The following BET1L variants were observed in gnomAD, a reference collection of about 807,000 sequenced individuals.
BET1L encodes the protein BET1-like protein.
Under a neutral mutation model 12.6 loss-of-function variants are expected in BET1L, and 13 were observed. That is an observed-to-expected ratio of 1.03 (90% CI 0.67 to 1.64). The LOEUF (loss-of-function observed/expected upper bound fraction) is 1.64, where lower values mean the gene tolerates loss of function less well. Among genes scored for constraint, BET1L ranks in the 40% most tolerant of loss-of-function variants. The probability of loss-of-function intolerance (pLI) is 0.00; values close to 1 mark genes in which losing one functional copy is unlikely to be tolerated. For synonymous variants in BET1L, 60 were observed against 56.9 expected, an observed-to-expected ratio of 1.05 and a Z score of -0.25; for missense variants, 154 against 150.7, an observed-to-expected ratio of 1.02 and a Z score of -0.11.
rs1855099460 is a variant in BET1L, at chr11:204,151, G to C, written c.*1151C>G. On this transcript the variant is annotated 3_prime_UTR_variant, in exon 4 of 4. Transcript: ENST00000382762. ...AGAAGATTGGAACAGGACAGAGAAG[G>C]GCAAAGAAGCACATGGCTCATGCTT... The C allele has an allele frequency of 6.6e-6, 1 of 152,354 alleles. No individual in the cohort carries two copies. The highest frequency in any genetic ancestry group is 1.5e-5 in the Non-Finnish European group (1 of 68,116). 9.4% of individuals were successfully genotyped at this position (152,354 alleles called of 1,614,324 possible). A position where few individuals can be genotyped will look rare whatever the true frequency, so the allele number is the denominator to read the frequency against.
Position 203,401 on chromosome 11 carries a change from C to A in BET1L, c.*1901G>T, listed in dbSNP as rs1451949733. On this transcript the variant is annotated 3_prime_UTR_variant, in exon 4 of 4. Coordinates refer to ENST00000382762, the MANE Select transcript of BET1L (RefSeq NM_001098787.2). ...CTCCAGCGAAAGCCACTCCGAGATGCAGCCTAACTTCCTAGTTTGCATCAG... is the reference window on the plus strand; with the variant it reads ...CTCCAGCGAAAGCCACTCCGAGATGAAGCCTAACTTCCTAGTTTGCATCAG... 6.6e-6 allele frequency: 1 copy of A among 152,384 alleles called. No individual in the cohort carries two copies. Among genetic ancestry groups the A allele is most frequent in the Non-Finnish European group, 1.5e-5 (1 of 68,056 alleles). 9.4% of individuals were successfully genotyped at this position (152,384 alleles called of 1,614,324 possible). A position where few individuals can be genotyped will look rare whatever the true frequency, so the allele number is the denominator to read the frequency against.
chr11:206,612 C>A (rs1407781520), intron 1 of BET1L, among the ~76,000 whole-genome samples: 1 of 152,140 alleles, frequency 6.6e-6, no homozygotes, highest in Non-Finnish European at 1.5e-5. Context: ...CTGAGGTCGA[C>A]CAGGAGCGGG....
At position 205,392 on chromosome 11, in the gene BET1L, T is replaced by C. The variant is rs1279072169; in HGVS notation, c.246A>G (p.Gln82=). 1 of 1,614,230 alleles carries C rather than the reference T, an allele frequency of 6.2e-7. No individual in the cohort carries two copies. The highest frequency in any genetic ancestry group is 1.7e-5 in the Admixed American group (1 of 60,024). Reference sequence around the variant, plus strand: ...TGCCACATAGAAGCTTCCGGTTGTCTTGTCCGGACCTTGCCATTGTGGAAA... The same window carrying C: ...TGCCACATAGAAGCTTCCGGTTGTCCTGTCCGGACCTTGCCATTGTGGAAA... ...KRFSTMARSG[Q]DNRKLLCGMA... is the part of the protein sequence containing the mutation. The change falls in exon 4 of 4, where the codon CAA becomes CAG. Residue 82 remains glutamine (Q), a synonymous_variant. Coordinates refer to ENST00000382762, the MANE Select transcript of BET1L (RefSeq NM_001098787.2).
At chr11:206,200 CGAT>C (rs1457227062) in intron 1 of BET1L, among the ~76,000 whole-genome samples, 157 bp from the exon 2 acceptor site, 1 of 152,130 alleles carries the variant, frequency 6.6e-6, no homozygotes, top group African/African-American at 2.4e-5. Context: ...GCATAAAGGA[CGAT>C]GTGTGTAAGG....
intron 2 of BET1L, 80 bp downstream of exon 2, chr11:205,872 C>A: frequency 6.5e-7 from 1 of 1,531,784 alleles, no homozygotes; most frequent in South Asian, 1.1e-5. Context: ...GCCTGAAACT[C>A]CTCTGGGCCC....
chr11:205,705 C>A, intron 2 of BET1L, 38 bp from the exon 3 acceptor site: 3 of 1,591,610 alleles, frequency 1.9e-6, no homozygotes, highest in Non-Finnish European at 2.6e-6. Flanking sequence ...TGGGCCAGAG[C>A]AGACACATAA....
At chr11:206,823 AATC>A (rs1855174025) in intron 1 of BET1L, among the ~76,000 whole-genome samples, 1 of 152,216 alleles carries the variant, frequency 6.6e-6, no homozygotes, top group Admixed American at 6.5e-5. Context: ...AAATTCCTTT[AATC>A]ATCATAACAC....
rs1270909128 is a variant in BET1L, at chr11:205,452, G to A, written c.186C>T (p.Ser62=). 6.2e-7 allele frequency: 1 copy of A among 1,614,102 alleles called. No individual in the cohort carries two copies. Among genetic ancestry groups the A allele is most frequent in the Non-Finnish European group, 8.5e-7 (1 of 1,180,052 alleles). Residue 62 remains serine, a synonymous_variant, in exon 4 of 4, where the codon AGC becomes AGT. Coordinates refer to ENST00000382762, the MANE Select transcript of BET1L (RefSeq NM_001098787.2). ...CGCTCCCTGTAAGCAGGCTGGTCATGCTTGTGAAATCCGAGTCCTAAGGGA... is the reference window on the plus strand; with the variant it reads ...CGCTCCCTGTAAGCAGGCTGGTCATACTTGTGAAATCCGAGTCCTAAGGGA... The part of the protein sequence containing the change: ...YLDGMDSDFT[S]MTSLLTGSVK...
intron 1 of BET1L, among the ~76,000 whole-genome samples, chr11:206,276 T>C (rs1052469939): frequency 6.6e-6 from 1 of 152,194 alleles, no homozygotes; most frequent in African/African-American, 2.4e-5. Flanking sequence ...GCACCCACAA[T>C]GGGTTCGGTC....
Position 207,342 on chromosome 11 carries a change from C to T in BET1L, c.-21G>A. Reference sequence around the variant, plus strand: ...GCCATCGTGCCCTGCCCCGGCTCCTCGACGCGGACACCGACGCGGCCACAG... The same window carrying T: ...GCCATCGTGCCCTGCCCCGGCTCCTTGACGCGGACACCGACGCGGCCACAG... On this transcript the variant is annotated 5_prime_UTR_variant, in exon 1 of 4. Transcript: ENST00000382762. 6.4e-7 allele frequency: 1 copy of T among 1,551,582 alleles called. No individual in the cohort carries two copies. Among genetic ancestry groups the T allele is most frequent in the South Asian group, 1.2e-5 (1 of 85,118 alleles).
In BET1L at chr11:207,390, G is replaced by GCCTCAGA. The variant is rs1855204782; in HGVS notation, c.-70_-69insTCTGAGG. On this transcript the variant is annotated 5_prime_UTR_variant, in exon 1 of 4. Coordinates refer to ENST00000382762, the MANE Select transcript of BET1L (RefSeq NM_001098787.2). ...CAGCCGCCTCAGACGTGGCGCAGTC[G>GCCTCAGA]CGGGGAAAGAGCTTCCGGCCCCGCC... 6.3e-6 allele frequency: 8 copies of GCCTCAGA among 1,262,070 alleles called. No individual in the cohort carries two copies. Among genetic ancestry groups the GCCTCAGA allele is most frequent in the African/African-American group, 3.3e-5 (1 of 30,158 alleles). The allele number at this position is 1,262,070 out of a possible 1,614,324, so 78.2% of individuals were successfully genotyped here.
Position 205,630 on chromosome 11 carries a change from T to G in BET1L, c.149A>C (p.Asn50Thr), listed in dbSNP as rs1211492497. The change falls in exon 3 of 4, where the codon AAC becomes ACC. Residue 50 changes from asparagine (N) to threonine (T), a missense_variant. Asn to Thr is a moderately conservative substitution (Grantham distance 65). Transcript: ENST00000382762. ...CCTTACCATGCCATCCAGGTACCGGTTCTGATCCTCTGCATCCCTATCGAT... is the reference window on the plus strand; with the variant it reads ...CCTTACCATGCCATCCAGGTACCGGGTCTGATCCTCTGCATCCCTATCGAT... ...LDIDRDAEDQ[N>T]RYLDGMDSDF... 2 of 1,613,316 alleles carry G rather than the reference T, an allele frequency of 1.2e-6. No homozygotes were observed. Among genetic ancestry groups the G allele is most frequent in the Non-Finnish European group, 1.7e-6 (2 of 1,179,790 alleles).
intron 1 of BET1L, 103 bp downstream of exon 1, chr11:207,200 G>C: frequency 7.0e-7 from 1 of 1,422,044 alleles, no homozygotes; most frequent in Non-Finnish European, 9.3e-7. Context: ...TCTCGGCCGA[G>C]GTCACCCCAG....
At position 207,362 on chromosome 11, in the gene BET1L, C is replaced by CCACAGCCGCCTCAGACGTGGT. The variant is rs759832239; in HGVS notation, c.-42_-41insACCACGTCTGAGGCGGCTGTG. The CCACAGCCGCCTCAGACGTGGT allele has an allele frequency of 1.9e-6, 3 of 1,545,306 alleles. No individual in the cohort carries two copies. Reference sequence around the variant, plus strand: ...CTCCTCGACGCGGACACCGACGCGGCCACAGCCGCCTCAGACGTGGCGCAG... The same window carrying CCACAGCCGCCTCAGACGTGGT: ...CTCCTCGACGCGGACACCGACGCGGCCACAGCCGCCTCAGACGTGGTCACAGCCGCCTCAGACGTGGCGCAG... On this transcript the variant is annotated 5_prime_UTR_variant, in exon 1 of 4. Coordinates refer to ENST00000382762, the MANE Select transcript of BET1L (RefSeq NM_001098787.2).
In BET1L at chr11:203,980, G is replaced by C. The variant is rs546428004; in HGVS notation, c.*1322C>G. The stretch of plus-strand genomic sequence containing the variant: ...AAGGAGGAGGGGAGGGGAAGGGTGA[G>C]CAAAGTGGGGCTGCAGGCATCAGGC... On this transcript the variant is annotated 3_prime_UTR_variant, in exon 4 of 4. Coordinates refer to ENST00000382762, the MANE Select transcript of BET1L (RefSeq NM_001098787.2). The C allele has an allele frequency of 2.6e-5, 4 of 153,474 alleles. No individual in the cohort carries two copies. The highest frequency in any genetic ancestry group is 9.6e-5 in the African/African-American group (4 of 41,566). 9.5% of individuals were successfully genotyped at this position (153,474 alleles called of 1,614,324 possible).
At chr11:206,389 G>A (rs1341596779) in intron 1 of BET1L, among the ~76,000 whole-genome samples, 1 of 152,216 alleles carries the variant, frequency 6.6e-6, no homozygotes, top group South Asian at 2.1e-4. Context: ...CTGTGTATGT[G>A]GAGCCCATTC....
At position 203,617 on chromosome 11, in the gene BET1L, T is replaced by G. The variant is rs1590069301; in HGVS notation, c.*1685A>C. 6.6e-6 allele frequency: 1 copy of G among 152,524 alleles called. No homozygotes were observed. The highest frequency in any genetic ancestry group is 2.4e-5 in the African/African-American group (1 of 41,420). The allele number at this position is 152,524 out of a possible 1,614,324, so 9.4% of individuals were successfully genotyped here. ...CTGCTACCATGCTTGGTGACCAGGGTACAAGCCCCTGATGAGCTTGCCATG... is the reference window on the plus strand; with the variant it reads ...CTGCTACCATGCTTGGTGACCAGGGGACAAGCCCCTGATGAGCTTGCCATG... On this transcript the variant is annotated 3_prime_UTR_variant, in exon 4 of 4. Coordinates refer to ENST00000382762, the MANE Select transcript of BET1L (RefSeq NM_001098787.2).
chr11:207,359 C>CAGCCACAGCCGCCTCAGACGT lies in BET1L; in HGVS notation c.-39_-38insACGTCTGAGGCGGCTGTGGCT. ...CGGCTCCTCGACGCGGACACCGACG[C>CAGCCACAGCCGCCTCAGACGT]GGCCACAGCCGCCTCAGACGTGGCG... On this transcript the variant is annotated 5_prime_UTR_variant, in exon 1 of 4. Coordinates refer to ENST00000382762, the MANE Select transcript of BET1L (RefSeq NM_001098787.2). 1 of 1,506,420 alleles carries CAGCCACAGCCGCCTCAGACGT rather than the reference C, an allele frequency of 6.6e-7. No homozygotes were observed. The highest frequency in any genetic ancestry group is 8.8e-7 in the Non-Finnish European group (1 of 1,132,084). 93.3% of individuals were successfully genotyped at this position (1,506,420 alleles called of 1,614,324 possible).
chr11:205,693 G>C, intron 2 of BET1L, 26 bp from the exon 3 acceptor site: 1 of 1,599,666 alleles, frequency 6.3e-7, no homozygotes, highest in African/African-American at 1.3e-5. Flanking sequence ...AGAGGGCAGG[G>C]TTGGGCCAGA....
Sources: allele counts gnomAD v4.1 joint callset (sites outside exome capture counted in the v4.1 genomes callset), GRCh38; gene constraint gnomAD v4.1.1; transcripts MANE v1.5; gene names NCBI Gene and HGNC (gene_info 2026-07-23, HGNC 2026-07-21).